The following DPP6 variants were observed in gnomAD, a reference collection of about 807,000 sequenced individuals.
DPP6 encodes dipeptidyl peptidase like 6, also known as A-type potassium channel modulatory protein DPP6.
Under a neutral mutation model 122.6 loss-of-function variants are expected in DPP6, and 69 were observed. That is an observed-to-expected ratio of 0.56 (90% CI 0.46 to 0.69). The LOEUF is 0.69. DPP6 is among the 30% of genes least tolerant of loss of function. The probability of loss-of-function intolerance (pLI) is 0.00; values close to 1 mark genes in which losing one functional copy is unlikely to be tolerated. For missense variants in DPP6, 928 were observed against 1,116.9 expected, an observed-to-expected ratio of 0.83 and a Z score of 2.41; for synonymous variants, 418 against 433.1, an observed-to-expected ratio of 0.97 and a Z score of 0.43.
chr7:154,638,508 C>T (rs79142392), intron 6 of DPP6, among the ~76,000 whole-genome samples: 1 of 152,190 alleles, frequency 6.6e-6, no homozygotes, highest in Non-Finnish European at 1.5e-5. Flanking sequence ...CTGCTTTTGA[C>T]TGGGCCCCCC....
chr7:154,723,581 C>G (rs1841927802), intron 7 of DPP6, among the ~76,000 whole-genome samples: 1 of 152,194 alleles, frequency 6.6e-6, no homozygotes, highest in African/African-American at 2.4e-5. Flanking sequence ...TTTTCCACCT[C>G]ATTTCTGGCT....
At chr7:154,248,174 T>C (rs763501039) in intron 1 of DPP6, among the ~76,000 whole-genome samples, 10 of 152,084 alleles carry the variant, frequency 6.6e-5, no homozygotes, top group African/African-American at 9.7e-5. Context: ...CTCCTTGATC[T>C]AACAGCTTTC....
intron 3 of DPP6, among the ~76,000 whole-genome samples, chr7:154,538,563 G>A (rs1828455921): frequency 6.6e-6 from 1 of 152,170 alleles, no homozygotes; most frequent in Non-Finnish European, 1.5e-5. Context: ...GTCAAAGGTA[G>A]TAAATCTTCA....
chr7:154,710,218 G>C (rs577894163), intron 7 of DPP6, among the ~76,000 whole-genome samples: 2 of 152,302 alleles, frequency 1.3e-5, no homozygotes, highest in African/African-American at 4.8e-5. Flanking sequence ...ATGGCTTCAG[G>C]GCCCCACCAG....
intron 5 of DPP6, among the ~76,000 whole-genome samples, chr7:154,582,936 T>A (rs944637101): frequency 2.0e-5 from 3 of 152,146 alleles, no homozygotes; most frequent in African/African-American, 7.2e-5. Context: ...CCCCATGTTA[T>A]CCATTAGGAG....
At chr7:154,886,092 C>T (rs1347705559) in intron 22 of DPP6, among the ~76,000 whole-genome samples, 1 of 152,234 alleles carries the variant, frequency 6.6e-6, no homozygotes, top group African/African-American at 2.4e-5. Context: ...GGCCGCCCTC[C>T]TTCTCTGCTC....
chr7:154,575,601 TG>T (rs1831597900), intron 5 of DPP6, among the ~76,000 whole-genome samples: 3 of 131,578 alleles, frequency 2.3e-5, no homozygotes, highest in Admixed American at 8.0e-5. Context: ...TGTATGTGTG[TG>T]GTGTGTGTAT....
intron 5 of DPP6, among the ~76,000 whole-genome samples, chr7:154,612,002 T>A (rs1271036437): frequency 6.6e-6 from 1 of 152,192 alleles, no homozygotes; most frequent in Non-Finnish European, 1.5e-5. Context: ...TCCACTGCAA[T>A]AGTGCTGGGA....
chr7:154,774,541 G>A (rs141985039), intron 10 of DPP6, among the ~76,000 whole-genome samples: 138 of 152,346 alleles, frequency 9.1e-4, no homozygotes, highest in African/African-American at 3.1e-3. Flanking sequence ...GCCAGGACTT[G>A]AAGCCTGGAT....
At chr7:154,233,648 C>T (rs1054655814) in intron 1 of DPP6, among the ~76,000 whole-genome samples, 11 of 152,244 alleles carry the variant, frequency 7.2e-5, no homozygotes, top group African/African-American at 2.4e-4. Flanking sequence ...CAGAGATTAC[C>T]AGCAAACCCA....
chr7:154,347,463 T>A (rs2151072907), intron 1 of DPP6, among the ~76,000 whole-genome samples: 1 of 152,376 alleles, frequency 6.6e-6, no homozygotes, highest in East Asian at 1.9e-4. Flanking sequence ...AATCTTTATT[T>A]GACCAAAGCA....
chr7:154,234,127 G>A (rs533140259), intron 1 of DPP6, among the ~76,000 whole-genome samples: 4 of 152,290 alleles, frequency 2.6e-5, no homozygotes, highest in African/African-American at 7.2e-5. Context: ...AATTAAGTTA[G>A]GACAATGTGG....
chr7:153,991,604 G>C (rs887674677), intron 1 of DPP6, among the ~76,000 whole-genome samples: 4 of 152,192 alleles, frequency 2.6e-5, no homozygotes, highest in Non-Finnish European at 4.4e-5. Flanking sequence ...GCCTCTGGCT[G>C]CACCTGCCTT....
At chr7:154,049,986 G>A (rs572695629), upstream of DPP6, among the ~76,000 whole-genome samples, 1 of 152,238 alleles carries the variant, frequency 6.6e-6, no homozygotes, top group Admixed American at 6.5e-5. Context: ...GCTCCATCTG[G>A]ATCATCCTTG....
intron 7 of DPP6, among the ~76,000 whole-genome samples, chr7:154,704,251 C>T (rs1202925462): frequency 2.0e-5 from 3 of 152,178 alleles, no homozygotes; most frequent in South Asian, 4.1e-4. Flanking sequence ...TGAGTTGCTA[C>T]AGTCTCAGGA....
chr7:154,360,919 G>T (rs553959990), intron 1 of DPP6, among the ~76,000 whole-genome samples: 1 of 152,256 alleles, frequency 6.6e-6, no homozygotes, highest in Admixed American at 6.5e-5. Flanking sequence ...GATTCCGGGG[G>T]CTAATGGCCT....
intron 1 of DPP6, among the ~76,000 whole-genome samples, chr7:153,892,684 G>A (rs1156414890): frequency 6.6e-6 from 1 of 152,106 alleles, no homozygotes; most frequent in Admixed American, 6.6e-5. Context: ...CTCTGTCTGA[G>A]GGTACTTGGT....
intron 7 of DPP6, among the ~76,000 whole-genome samples, chr7:154,719,158 G>C (rs188904063): frequency 6.6e-6 from 1 of 152,170 alleles, no homozygotes; most frequent in African/African-American, 2.4e-5. Flanking sequence ...CTTCAAACTC[G>C]AGTACAGAGG....
chr7:154,494,860 G>A (rs541858629), intron 3 of DPP6, among the ~76,000 whole-genome samples: 41 of 152,276 alleles, frequency 2.7e-4, no homozygotes, highest in African/African-American at 9.6e-4. Context: ...GTTGTCCTCA[G>A]GTACTTGCAG....
Sources: gnomAD v4.1 joint callset for allele counts (sites outside exome capture counted in the v4.1 genomes callset) on GRCh38, gnomAD v4.1.1 for gene constraint, MANE v1.5 for transcripts, NCBI Gene and HGNC (gene_info 2026-07-23, HGNC 2026-07-21) for gene names.